The following ELMOD1 variants were observed in gnomAD, a reference collection of about 807,000 sequenced individuals.
ELMOD1 encodes the protein ELMO domain-containing protein 1.
A neutral mutation model predicts 46.7 loss-of-function variants in ELMOD1; 21 were observed. The ratio of observed to expected loss-of-function variants is 0.45; its 90% CI spans 0.32 to 0.65. The LOEUF (loss-of-function observed/expected upper bound fraction) is 0.65. Ranked by LOEUF, ELMOD1 falls within the 30% of genes least tolerant of loss-of-function variation. The probability of loss-of-function intolerance (pLI) is 0.04; values close to 1 mark genes in which losing one functional copy is unlikely to be tolerated. For missense variants in ELMOD1, 348 were observed against 407.8 expected, an observed-to-expected ratio of 0.85 and a Z score of 1.26; for synonymous variants, 122 against 138.2, an observed-to-expected ratio of 0.88 and a Z score of 0.82.
At chr11:107,650,001 C>G (rs983549451) in intron 7 of ELMOD1, among the ~76,000 whole-genome samples, 4 of 152,150 alleles carry the variant, frequency 2.6e-5, no homozygotes, top group Admixed American at 1.3e-4. Context: ...CTGAAGGCCT[C>G]CAAACACCAA....
intron 11 of ELMOD1, among the ~76,000 whole-genome samples, chr11:107,656,810 A>G (rs1466528611): frequency 6.6e-6 from 1 of 152,220 alleles, no homozygotes; most frequent in African/African-American, 2.4e-5. Context: ...TCTCAGATCT[A>G]TGTTTTAGCA....
Position 107,615,398 on chromosome 11 carries a change from G to A in ELMOD1, c.-85-2707G>A, listed in dbSNP as rs182725043. On this transcript the variant is annotated intron_variant, in intron 1 of 11. Transcript: ENST00000265840. ...TTACAGGCACGCGCTGCCACACCCA[G>A]CTAATTTTGTATTTTTAGTAGAGAC... 3.7e-3 allele frequency among the ~76,000 whole-genome samples: 566 copies of A among 151,936 alleles called. 5 individuals are homozygous for A. Among genetic ancestry groups the A allele is most frequent in the African/African-American group, 0.013 (552 of 41,438 alleles).
rs1240409427 is a variant in ELMOD1 at position 107,665,384 on chromosome 11, A to C, written c.*187A>C. 1 of 595,598 alleles carries C rather than the reference A, an allele frequency of 1.7e-6. No homozygotes were observed. Among genetic ancestry groups the C allele is most frequent in the Non-Finnish European group, 2.9e-6 (1 of 348,232 alleles). The allele number at this position is 595,598 out of a possible 1,614,324, so 36.9% of individuals were successfully genotyped here. ...GACCACTGTTTCTGGAGTATCTGTC[A>C]TCCAGTGACTGCTCATATTGTGGCA... On this transcript the variant is annotated 3_prime_UTR_variant, in exon 12 of 12. Transcript: ENST00000265840.
intron 6 of ELMOD1, among the ~76,000 whole-genome samples, chr11:107,644,628 C>A (rs1395160840): frequency 6.6e-6 from 1 of 151,950 alleles, no homozygotes; most frequent in Non-Finnish European, 1.5e-5. Context: ...GCGCCTGCCA[C>A]CACGCCCGGC....
rs111452364 is a variant in ELMOD1 at position 107,609,570 on chromosome 11, C to T, written c.-85-8535C>T. ...CGACTTCTAAGAGTTAGGGTTACCC[C>T]GTAGCACTTTACAAAGAGCCTCAGG... On this transcript the variant is annotated intron_variant, in intron 1 of 11. Transcript: ENST00000265840. Among the ~76,000 whole-genome samples the T allele has an allele frequency of 3.9e-3, 590 of 152,264 alleles. 2 individuals are homozygous for T. The highest frequency in any genetic ancestry group is 0.014 in the African/African-American group (568 of 41,536).
chr11:107,629,317 T>C (rs374868541), intron 2 of ELMOD1, among the ~76,000 whole-genome samples: 1 of 152,334 alleles, frequency 6.6e-6, no homozygotes, highest in South Asian at 2.1e-4. Context: ...ATGCATCACC[T>C]TATTTTAGAA....
chr11:107,622,968 A>G (rs1016018648), intron 2 of ELMOD1, among the ~76,000 whole-genome samples: 2 of 152,202 alleles, frequency 1.3e-5, no homozygotes, highest in Non-Finnish European at 2.9e-5. Context: ...ATGCACATAT[A>G]TATACACATA....
intron 8 of ELMOD1, 81 bp from the exon 9 acceptor site, chr11:107,650,804 T>C: frequency 2.1e-6 from 2 of 940,388 alleles, no homozygotes; most frequent in Non-Finnish European, 3.0e-6. Flanking sequence ...TTTTTTTTTC[T>C]TTCTTTCTTG....
intron 1 of ELMOD1, among the ~76,000 whole-genome samples, chr11:107,599,152 G>A (rs894318954): frequency 2.0e-5 from 3 of 152,194 alleles, no homozygotes; most frequent in Admixed American, 6.5e-5. Flanking sequence ...GAGGGTAGAT[G>A]TAATTCCATG....
chr11:107,607,290 A>G (rs969557028), intron 1 of ELMOD1, among the ~76,000 whole-genome samples: 1 of 152,252 alleles, frequency 6.6e-6, no homozygotes, highest in African/African-American at 2.4e-5. Flanking sequence ...AGAATTTACT[A>G]GTAGTTTTTA....
intron 2 of ELMOD1, among the ~76,000 whole-genome samples, chr11:107,626,353 C>A (rs1866040311): frequency 6.8e-6 from 1 of 146,924 alleles, no homozygotes; most frequent in Non-Finnish European, 1.5e-5. Flanking sequence ...TTTGAAATGC[C>A]TCCTCCCAAA....
intron 2 of ELMOD1, chr11:107,620,459 G>A (rs1865928132): frequency 6.6e-6 from 1 of 152,198 alleles, no homozygotes; most frequent in African/African-American, 2.4e-5. Flanking sequence ...AGGAATAAAT[G>A]CTATTTGATT....
Position 107,662,188 on chromosome 11 carries a change from G to A in ELMOD1, c.833-2837G>A, listed in dbSNP as rs541554478. 3.9e-5 allele frequency among the ~76,000 whole-genome samples: 6 copies of A among 152,278 alleles called. No individual in the cohort carries two copies. The East Asian group carries it at 1.2e-3, about 29-fold the overall frequency. The stretch of plus-strand genomic sequence containing the variant: ...ACAGAGTCTCTCTCTCTCTTGCTCA[G>A]GCTGGAGTGCAGTGGCACCATCCTA... On this transcript the variant is annotated intron_variant, in intron 11 of 11. Coordinates refer to ENST00000265840, the MANE Select transcript of ELMOD1 (RefSeq NM_018712.4).
intron 6 of ELMOD1, among the ~76,000 whole-genome samples, chr11:107,636,022 T>C (rs1292527685): frequency 6.6e-6 from 1 of 152,240 alleles, no homozygotes; most frequent in Non-Finnish European, 1.5e-5. Flanking sequence ...AGGTGATTTC[T>C]GTGGGCTCTC....
At chr11:107,636,651 G>GT (rs1866234682) in intron 6 of ELMOD1, among the ~76,000 whole-genome samples, 1 of 152,142 alleles carries the variant, frequency 6.6e-6, no homozygotes, top group Non-Finnish European at 1.5e-5. Flanking sequence ...ATCCTGTTGT[G>GT]TTTTTGTGTG....
intron 11 of ELMOD1, among the ~76,000 whole-genome samples, chr11:107,658,201 G>A (rs1591139496): frequency 6.6e-6 from 1 of 152,190 alleles, no homozygotes; most frequent in Non-Finnish European, 1.5e-5. Context: ...CTTTAGGAAA[G>A]CAGGAATTAG....
At chr11:107,603,551 CCAA>C (rs1354965617) in intron 1 of ELMOD1, among the ~76,000 whole-genome samples, 2 of 149,918 alleles carry the variant, frequency 1.3e-5, no homozygotes, top group Non-Finnish European at 1.5e-5. Context: ...AAAAACAAAA[CCAA>C]CAACAACAAC....
intron 6 of ELMOD1, among the ~76,000 whole-genome samples, chr11:107,644,380 A>G (rs923943098): frequency 6.6e-5 from 10 of 152,012 alleles, no homozygotes; most frequent in Non-Finnish European, 2.9e-5. Context: ...CATTCACCCA[A>G]TGAGTAAGGT....
At chr11:107,634,243 A>G (rs555808182) in intron 5 of ELMOD1, among the ~76,000 whole-genome samples, 128 of 152,344 alleles carry the variant, frequency 8.4e-4, no homozygotes, top group Middle Eastern at 3.4e-3. Context: ...AGGAAAAAAT[A>G]AACGTGAAGT....
Sources: gnomAD v4.1 joint callset for allele counts (sites outside exome capture counted in the v4.1 genomes callset) on GRCh38, gnomAD v4.1.1 for gene constraint, MANE v1.5 for transcripts, NCBI Gene and HGNC (gene_info 2026-07-23, HGNC 2026-07-21) for gene names.